The following SKAP2 variants were observed in gnomAD, a reference collection of about 807,000 sequenced individuals.
SKAP2 encodes the protein src kinase associated phosphoprotein 2.
Under a neutral mutation model 54.9 loss-of-function variants are expected in SKAP2, and 28 were observed. The ratio of observed to expected loss-of-function variants is 0.51; its 90% confidence interval spans 0.38 to 0.70. The LOEUF (loss-of-function observed/expected upper bound fraction) is 0.70. SKAP2 is among the 30% of genes least tolerant of loss of function. The pLI, the probability that SKAP2 is intolerant of heterozygous loss-of-function variation, is 0.00. For synonymous variants in SKAP2, 137 were observed against 134.3 expected, an observed-to-expected ratio of 1.02 and a Z score of -0.14; for missense variants, 356 against 424.1, an observed-to-expected ratio of 0.84 and a Z score of 1.41.
At chr7:26,659,077 G>A in the SKAP2 span, among the ~76,000 whole-genome samples, 1 of 152,046 alleles carries the variant, frequency 6.6e-6, no homozygotes, top group Non-Finnish European at 1.5e-5. Context: ...TATGTTCGAC[G>A]TGATATCATA....
intron 1 of SKAP2, among the ~76,000 whole-genome samples, chr7:26,856,487 A>G (rs1785166600): frequency 6.6e-6 from 1 of 152,224 alleles, no homozygotes. Flanking sequence ...TAGAGACATA[A>G]TCTAGTACCA....
At chr7:26,772,446 T>C (rs1408624260) in intron 4 of SKAP2, among the ~76,000 whole-genome samples, 1 of 152,198 alleles carries the variant, frequency 6.6e-6, no homozygotes, top group African/African-American at 2.4e-5. Flanking sequence ...GTGTACTCAA[T>C]GTTTAGCTCC....
At chr7:26,808,829 C>T (rs1039821314) in intron 4 of SKAP2, among the ~76,000 whole-genome samples, 4 of 152,134 alleles carry the variant, frequency 2.6e-5, no homozygotes, top group African/African-American at 9.7e-5. Flanking sequence ...AAGTGGAATA[C>T]CTGAAACTAA....
intron 4 of SKAP2, among the ~76,000 whole-genome samples, chr7:26,836,129 T>G (rs2127993713): frequency 6.6e-6 from 1 of 152,340 alleles, no homozygotes; most frequent in East Asian, 1.9e-4. Flanking sequence ...TTGGGAAAAC[T>G]GGCCAGCCAT....
At chr7:26,769,787 C>A (rs754049097) in intron 4 of SKAP2, among the ~76,000 whole-genome samples, 4 of 151,958 alleles carry the variant, frequency 2.6e-5, no homozygotes, top group Non-Finnish European at 4.4e-5. Flanking sequence ...ACGGAGGCTG[C>A]AGGACAGCAA....
intron 4 of SKAP2, among the ~76,000 whole-genome samples, chr7:26,842,825 T>C (rs1784844423): frequency 1.3e-5 from 2 of 151,910 alleles, no homozygotes; most frequent in Non-Finnish European, 2.9e-5. Context: ...ATGCTCTGTT[T>C]TGGTGAAGAG....
rs180811471 is a variant in SKAP2 at position 26,694,841 on chromosome 7, A to T, written c.797-4479T>A. 2.3e-3 allele frequency among the ~76,000 whole-genome samples: 351 copies of T among 152,216 alleles called. 1 individual carries two copies. Among genetic ancestry groups the T allele is most frequent in the African/African-American group, 7.8e-3 (323 of 41,548 alleles). ...TTTTTCCCCCTTTTTAATCTATTTAATTTACAAAATTGATCCAGTTCCATA... is the reference window on the plus strand; with the variant it reads ...TTTTTCCCCCTTTTTAATCTATTTATTTTACAAAATTGATCCAGTTCCATA... On this transcript the variant is annotated intron_variant, in intron 9 of 12. Transcript: ENST00000345317.
chr7:26,773,673 C>T (rs1404969224), intron 4 of SKAP2, among the ~76,000 whole-genome samples: 1 of 152,086 alleles, frequency 6.6e-6, no homozygotes, highest in Non-Finnish European at 1.5e-5. Flanking sequence ...ATTCAATGAA[C>T]AATAAACATT....
intron 4 of SKAP2, among the ~76,000 whole-genome samples, chr7:26,788,774 CT>C (rs1445935591): frequency 5.3e-5 from 8 of 152,126 alleles, no homozygotes; most frequent in Admixed American, 2.6e-4. Flanking sequence ...CCACTCCCCC[CT>C]AATTATATGC....
At chr7:26,712,267 A>G (rs1208290592) in intron 9 of SKAP2, among the ~76,000 whole-genome samples, 1 of 152,160 alleles carries the variant, frequency 6.6e-6, no homozygotes, top group Non-Finnish European at 1.5e-5. Context: ...AAAGTTTCAG[A>G]TTTTGGAACA....
In SKAP2 at chr7:26,809,409, G is replaced by A. The variant is rs571646159; in HGVS notation, c.307+34621C>T. ...GCCTGGGCAACAAGAGCAAAACTTC[G>A]TTTCACAAGAAAAAAAAAAAAAGTG... On this transcript the variant is annotated intron_variant, in intron 4 of 12. Transcript: ENST00000345317. 7.4e-5 allele frequency among the ~76,000 whole-genome samples: 11 copies of A among 147,920 alleles called. No individual in the cohort carries two copies. In the South Asian group the frequency reaches 1.7e-3, roughly 23 times the overall value.
intron 11 of SKAP2, among the ~76,000 whole-genome samples, chr7:26,674,727 CTAAT>C (rs1241081659): frequency 6.6e-6 from 1 of 152,196 alleles, no homozygotes; most frequent in African/African-American, 2.4e-5. Context: ...TTGAGTTCCT[CTAAT>C]TCAAAGAATT....
downstream of SKAP2, among the ~76,000 whole-genome samples, chr7:26,666,683 T>A (rs971267112): frequency 6.6e-6 from 1 of 152,204 alleles, no homozygotes; most frequent in African/African-American, 2.4e-5. Context: ...TAATTATCTG[T>A]AATTAAATTA....
At chr7:26,775,072 AAGAGATTT>A (rs1783274417) in intron 4 of SKAP2, among the ~76,000 whole-genome samples, 1 of 152,182 alleles carries the variant, frequency 6.6e-6, no homozygotes, top group African/African-American at 2.4e-5. Context: ...TGTGAATCTT[AAGAGATTT>A]ACATGCACAC....
Position 26,668,670 on chromosome 7 carries a change from T to A in SKAP2, c.*996A>T, listed in dbSNP as rs1012604137. ...GAATACACTGAGATTCTGTTTTTTT[T>A]TTTTTTTTTTTCTGAGATGGAGTCT... On this transcript the variant is annotated 3_prime_UTR_variant, in exon 13 of 13. Transcript: ENST00000345317. 1 of 150,612 alleles carries A rather than the reference T, an allele frequency of 6.6e-6. No homozygotes were observed. Among genetic ancestry groups the A allele is most frequent in the Non-Finnish European group, 1.5e-5 (1 of 67,688 alleles). The allele number at this position is 150,612 out of a possible 1,614,324, so 9.3% of individuals were successfully genotyped here. A position where few individuals can be genotyped will look rare whatever the true frequency, so the allele number is the denominator to read the frequency against.
In SKAP2 at chr7:26,668,013, C is replaced by G. The variant is rs1269608253; in HGVS notation, c.*1653G>C. On this transcript the variant is annotated 3_prime_UTR_variant, in exon 13 of 13. Coordinates refer to ENST00000345317, the MANE Select transcript of SKAP2 (RefSeq NM_003930.5). ...AAAACTTTAACTTCACAATGTCTCT[C>G]TATATAAACTTGTTTACTCACAATC... The G allele has an allele frequency of 6.6e-6, 1 of 151,954 alleles. No homozygotes were observed. The highest frequency in any genetic ancestry group is 1.5e-5 in the Non-Finnish European group (1 of 67,984). 9.4% of individuals were successfully genotyped at this position (151,954 alleles called of 1,614,324 possible).
chr7:26,801,847 T>C (rs1393359558), intron 4 of SKAP2, among the ~76,000 whole-genome samples: 1 of 151,974 alleles, frequency 6.6e-6, no homozygotes, highest in Non-Finnish European at 1.5e-5. Context: ...ATAAAGAAAA[T>C]TGAAGATGAC....
chr7:26,686,566 G>A (rs1786645452), intron 10 of SKAP2, among the ~76,000 whole-genome samples: 1 of 152,084 alleles, frequency 6.6e-6, no homozygotes, highest in African/African-American at 2.4e-5. Context: ...ACTGCAGCTG[G>A]CCAGATCACT....
the SKAP2 span, among the ~76,000 whole-genome samples, chr7:26,659,448 C>G: frequency 3.3e-5 from 5 of 151,952 alleles, no homozygotes; most frequent in Non-Finnish European, 7.4e-5. Flanking sequence ...ACAAAAACAC[C>G]AACACATAAA....
Sources: gnomAD v4.1 joint callset for allele counts (sites outside exome capture counted in the v4.1 genomes callset) on GRCh38, gnomAD v4.1.1 for gene constraint, MANE v1.5 for transcripts, NCBI Gene and HGNC (gene_info 2026-07-23, HGNC 2026-07-21) for gene names.